Variants in CDC42BPA observed in about 807,000 individuals in gnomAD.
The protein encoded by CDC42BPA is CDC42 binding protein kinase alpha.
Under a neutral mutation model 223.5 loss-of-function variants are expected in CDC42BPA, and 80 were observed. The ratio of observed to expected loss-of-function variants is 0.36; its 90% confidence interval spans 0.30 to 0.43. The LOEUF is 0.43. Ranked by LOEUF, CDC42BPA falls within the 20% of genes least tolerant of loss-of-function variation. CDC42BPA has a pLI of 1.00. For synonymous variants in CDC42BPA, 694 were observed against 718.6 expected (o/e 0.97, Z 0.55); for missense variants, 1,743 against 2,099.9 (o/e 0.83, Z 3.32).
intron 5 of CDC42BPA, among the ~76,000 whole-genome samples, chr1:227,172,786 C>A (rs549901111): frequency 1.2e-4 from 19 of 152,178 alleles, no homozygotes; most frequent in African/African-American, 4.3e-4. Flanking sequence ...TCATCTTGAG[C>A]AAATTTATAG....
rs1303977501 is a variant in CDC42BPA at position 227,031,447 on chromosome 1, T to C, written c.3626A>G (p.Asn1209Ser). ...CACTCCCACCCACTTATTCTTCTCA[T>C]TCTCAGTGTCTGCTAGCATCAGGAT... ...CSILMLADTENEKNKWVGVLS... is the reference protein window; with the variant it reads ...CSILMLADTESEKNKWVGVLS... Residue 1209 changes from asparagine to serine, a missense_variant, in exon 28 of 37, where the codon AAT becomes AGT. Transcript: ENST00000366766. 6.2e-7 allele frequency: 1 copy of C among 1,614,134 alleles called. No homozygotes were observed. Among genetic ancestry groups the C allele is most frequent in the Non-Finnish European group, 8.5e-7 (1 of 1,180,004 alleles).
chr1:227,198,949 C>T (rs185781355), intron 4 of CDC42BPA, among the ~76,000 whole-genome samples: 4 of 152,100 alleles, frequency 2.6e-5, no homozygotes, highest in African/African-American at 9.6e-5. Flanking sequence ...GGGGTTTCAC[C>T]GTGTTAGCTA....
rs115859026 is a variant in CDC42BPA at position 227,011,159 on chromosome 1, T to C, written c.4857+4921A>G. 1,115 of 562,706 alleles carry C rather than the reference T, an allele frequency of 2.0e-3. 17 individuals carry two copies. The African/African-American group carries it at 0.021, about 11-fold the overall frequency. 34.9% of individuals were successfully genotyped at this position (562,706 alleles called of 1,614,324 possible). On this transcript the variant is annotated intron_variant, in intron 34 of 36. Transcript: ENST00000366766. Reference sequence around the variant, plus strand: ...TGCACACAGAACAAATGGAATAGTATCTGATATCAGAGCTGAATCCTTAAT... The same window carrying C: ...TGCACACAGAACAAATGGAATAGTACCTGATATCAGAGCTGAATCCTTAAT...
chr1:227,123,202 T>C (rs1175174890), intron 11 of CDC42BPA, among the ~76,000 whole-genome samples: 1 of 152,124 alleles, frequency 6.6e-6, no homozygotes, highest in African/African-American at 2.4e-5. Context: ...CGAGAAGGGC[T>C]GAGGCGGGAG....
chr1:227,237,793 C>A (rs976232959), intron 2 of CDC42BPA, among the ~76,000 whole-genome samples: 4 of 144,410 alleles, frequency 2.8e-5, no homozygotes, highest in African/African-American at 1.0e-4. Context: ...GTAATCCCAG[C>A]ACTTTGGGAG....
intron 32 of CDC42BPA, among the ~76,000 whole-genome samples, chr1:227,020,444 T>C: frequency 6.6e-6 from 1 of 152,236 alleles, no homozygotes; most frequent in Non-Finnish European, 1.5e-5. Context: ...CTATGTCTTC[T>C]GGATAAATTG....
chr1:227,214,380 GT>G (rs1428945842), intron 2 of CDC42BPA, among the ~76,000 whole-genome samples: 2 of 152,114 alleles, frequency 1.3e-5, no homozygotes, highest in Admixed American at 6.6e-5. Context: ...TGTGATTATA[GT>G]TTTTCATCAA....
At chr1:227,128,868 C>T (rs1190724399) in intron 11 of CDC42BPA, among the ~76,000 whole-genome samples, 1 of 152,130 alleles carries the variant, frequency 6.6e-6, no homozygotes, top group South Asian at 2.1e-4. Context: ...GTACTCTCCA[C>T]GTACCTCCAT....
chr1:227,123,713 C>T (rs1480123614), intron 11 of CDC42BPA, among the ~76,000 whole-genome samples: 1 of 152,166 alleles, frequency 6.6e-6, no homozygotes, highest in South Asian at 2.1e-4. Context: ...CCCTGATCCA[C>T]AAGATGGATA....
At chr1:227,005,196 C>G in intron 34 of CDC42BPA, 85 bp from the exon 35 acceptor site, 1 of 884,090 alleles carries the variant, frequency 1.1e-6, no homozygotes, top group Non-Finnish European at 1.9e-6. Context: ...CTATAATTAC[C>G]AAGAAATAAA....
chr1:227,020,534 A>T (rs1324824887), intron 32 of CDC42BPA, among the ~76,000 whole-genome samples: 1 of 152,204 alleles, frequency 6.6e-6, no homozygotes, highest in African/African-American at 2.4e-5. Flanking sequence ...AAATCTCATA[A>T]GCCAAACTCT....
At chr1:227,101,781 A>G (rs1223802075) in intron 14 of CDC42BPA, among the ~76,000 whole-genome samples, 1 of 152,188 alleles carries the variant, frequency 6.6e-6, no homozygotes, top group Non-Finnish European at 1.5e-5. Flanking sequence ...TACACTAGAA[A>G]AAAAACGGTA....
At chr1:227,245,402 T>A (rs1680760292) in intron 2 of CDC42BPA, among the ~76,000 whole-genome samples, 1 of 148,840 alleles carries the variant, frequency 6.7e-6, no homozygotes, top group Admixed American at 6.9e-5. Flanking sequence ...GCAATTCTCC[T>A]GTCTCAGCCT....
At chr1:227,196,323 T>C (rs1169308360) in intron 4 of CDC42BPA, among the ~76,000 whole-genome samples, 1 of 148,290 alleles carries the variant, frequency 6.7e-6, no homozygotes, top group Non-Finnish European at 1.5e-5. Context: ...GCTTTCTTTT[T>C]ACTATTAAAC....
chr1:227,108,855 A>T (rs1310701381), intron 14 of CDC42BPA, among the ~76,000 whole-genome samples: 1 of 152,164 alleles, frequency 6.6e-6, no homozygotes, highest in Non-Finnish European at 1.5e-5. Context: ...ACAAACCTAG[A>T]TGGTACAGCC....
At chr1:227,016,496 A>G (rs1319036947) in intron 33 of CDC42BPA, among the ~76,000 whole-genome samples, 1 of 152,188 alleles carries the variant, frequency 6.6e-6, no homozygotes, top group Non-Finnish European at 1.5e-5. Flanking sequence ...TCTCTTTAAA[A>G]ATGATTGGTA....
At chr1:227,065,484 T>C (rs1676852370) in intron 21 of CDC42BPA, among the ~76,000 whole-genome samples, 1 of 152,172 alleles carries the variant, frequency 6.6e-6, no homozygotes, top group Admixed American at 6.5e-5. Flanking sequence ...TTTCTTCTCT[T>C]CAAAGCTACT....
chr1:227,270,486 A>G (rs1210948625), intron 1 of CDC42BPA, among the ~76,000 whole-genome samples: 1 of 152,228 alleles, frequency 6.6e-6, no homozygotes, highest in Admixed American at 6.5e-5. Flanking sequence ...ACATGAACTC[A>G]TACTAGTTAC....
intron 10 of CDC42BPA, among the ~76,000 whole-genome samples, chr1:227,137,183 C>G (rs536310442): frequency 7.2e-5 from 11 of 151,892 alleles, no homozygotes; most frequent in Non-Finnish European, 1.3e-4. Context: ...ATATAAAGAC[C>G]TAATAGAAAA....
Sources: allele counts gnomAD v4.1 joint callset (sites outside exome capture counted in the v4.1 genomes callset), GRCh38; gene constraint gnomAD v4.1.1; transcripts MANE v1.5; gene names NCBI Gene and HGNC (gene_info 2026-07-23, HGNC 2026-07-21).